The following TRAF3IP1 variants were observed in gnomAD, a reference collection of about 807,000 sequenced individuals.
The protein encoded by TRAF3IP1 is TRAF3-interacting protein 1.
TRAF3IP1 carries 53 observed loss-of-function variants against 89.9 expected under a neutral mutation model. That is an observed-to-expected ratio of 0.59 (90% CI 0.47 to 0.74). TRAF3IP1 has a LOEUF of 0.74. TRAF3IP1 is among the 30% of genes least tolerant of loss of function. The pLI, the probability that TRAF3IP1 is intolerant of heterozygous loss-of-function variation, is 0.00. For synonymous variants in TRAF3IP1, 311 were observed against 322.1 expected, an observed-to-expected ratio of 0.97 and a Z score of 0.37; for missense variants, 806 against 866.1, an observed-to-expected ratio of 0.93 and a Z score of 0.87.
intron 14 of TRAF3IP1, among the ~76,000 whole-genome samples, chr2:238,353,452 C>T (rs1385236152): frequency 6.6e-6 from 1 of 152,324 alleles, no homozygotes; most frequent in East Asian, 1.9e-4. Context: ...TGGAAACTCA[C>T]TGGCAACTGT....
intron 8 of TRAF3IP1, 123 bp from the exon 9 acceptor site, chr2:238,344,374 C>G (rs1240434878): frequency 1.3e-6 from 1 of 758,198 alleles, no homozygotes; most frequent in Non-Finnish European, 2.2e-6. Context: ...AGTCCTTTGT[C>G]AGTCCTAACT....
intron 7 of TRAF3IP1, among the ~76,000 whole-genome samples, chr2:238,337,318 A>G (rs1196619396): frequency 6.6e-6 from 1 of 152,122 alleles, no homozygotes; most frequent in East Asian, 1.9e-4. Context: ...GACTTGGGTG[A>G]AGGAGGACAT....
chr2:238,383,075 G>A (rs1342153196), intron 15 of TRAF3IP1, among the ~76,000 whole-genome samples: 3 of 152,038 alleles, frequency 2.0e-5, no homozygotes, highest in African/African-American at 7.2e-5. Context: ...GCCTTCCCTT[G>A]GCTTCCGGAA....
At chr2:238,395,517 C>A (rs1701171296) in intron 15 of TRAF3IP1, among the ~76,000 whole-genome samples, 1 of 152,056 alleles carries the variant, frequency 6.6e-6, no homozygotes, top group African/African-American at 2.4e-5. Flanking sequence ...GCAACAAAAG[C>A]CAAAATTGAC....
chr2:238,378,498 A>G (rs1348150775), intron 15 of TRAF3IP1, among the ~76,000 whole-genome samples: 3 of 152,210 alleles, frequency 2.0e-5, no homozygotes, highest in Non-Finnish European at 4.4e-5. Flanking sequence ...CACACCTCAA[A>G]TAACCTTTGC....
rs1701426793 is a variant in TRAF3IP1, at chr2:238,400,762, A to G, written c.*1843A>G. The G allele has an allele frequency of 6.6e-6, 1 of 152,246 alleles. No individual in the cohort carries two copies. Among genetic ancestry groups the G allele is most frequent in the Non-Finnish European group, 1.5e-5 (1 of 68,046 alleles). 9.4% of individuals were successfully genotyped at this position (152,246 alleles called of 1,614,324 possible). A position where few individuals can be genotyped will look rare whatever the true frequency, so the allele number is the denominator to read the frequency against. ...CTTTTATGAATTTGTATATGTGAAT[A>G]GAGTTTGGGGGTTGCCAAAAATTGC... On this transcript the variant is annotated 3_prime_UTR_variant, in exon 17 of 17. Transcript: ENST00000373327.
At chr2:238,336,978 G>A (rs1022697578) in intron 7 of TRAF3IP1, among the ~76,000 whole-genome samples, 3 of 151,990 alleles carry the variant, frequency 2.0e-5, no homozygotes, top group African/African-American at 7.3e-5. Context: ...GTTGGCATAG[G>A]TGTGGCCCTG....
intron 15 of TRAF3IP1, among the ~76,000 whole-genome samples, chr2:238,375,162 C>T (rs941210874): frequency 1.3e-5 from 2 of 152,012 alleles, no homozygotes; most frequent in African/African-American, 4.8e-5. Context: ...TATTTCTTGC[C>T]TCCTTCTAGC....
chr2:238,343,925 C>G (rs565394016), intron 8 of TRAF3IP1, among the ~76,000 whole-genome samples: 1 of 150,834 alleles, frequency 6.6e-6, no homozygotes, highest in Admixed American at 6.6e-5. Flanking sequence ...TCCCAAAATG[C>G]GGGGATTATA....
rs562834802 is a variant in TRAF3IP1, at chr2:238,353,650, G to A, written c.1612+441G>A. Among the ~76,000 whole-genome samples the A allele has an allele frequency of 2.0e-5, 3 of 152,280 alleles. No individual in the cohort carries two copies. The South Asian group carries it at 6.2e-4, about 32-fold the overall frequency. On this transcript the variant is annotated intron_variant, in intron 14 of 16. Transcript: ENST00000373327. ...AACACAGTTTCTGCAGAAGAGGCAG[G>A]CTGAGTACTTTCCTTTATAGATCTG... is the stretch of plus-strand genomic sequence containing the variant.
rs1056630879 is a variant in TRAF3IP1 at position 238,379,619 on chromosome 2, C to T, written c.1690-17840C>T. ...GTTTTCTGCCGAGGACCTCTGACCTCATGGCCACTTCCTGCTGCAGGTTTA... is the reference window on the plus strand; with the variant it reads ...GTTTTCTGCCGAGGACCTCTGACCTTATGGCCACTTCCTGCTGCAGGTTTA... On this transcript the variant is annotated intron_variant, in intron 15 of 16. Coordinates refer to ENST00000373327, the MANE Select transcript of TRAF3IP1 (RefSeq NM_015650.4). This position sits in a 1 kb window ranked among gnomAD's most constrained non-coding sequence, Gnocchi z 4.0. 1.3e-5 allele frequency among the ~76,000 whole-genome samples: 2 copies of T among 152,210 alleles called. No individual in the cohort carries two copies. The highest frequency in any genetic ancestry group is 2.4e-5 in the African/African-American group (1 of 41,458).
chr2:238,332,890 A>AC lies in TRAF3IP1; in HGVS notation c.983dup (p.Glu329ArgfsTer3), dbSNP rs760358512. 13 of 1,609,928 alleles carry AC rather than the reference A, an allele frequency of 8.1e-6. No homozygotes were observed. Among genetic ancestry groups the AC allele is most frequent in the Non-Finnish European group, 1.1e-5 (13 of 1,176,492 alleles). ...AACTTTTAAAGACTCCAAGGCTGAA[A>AC]CAGAGGTAAACTTTAAAAAATAACT... On this transcript the variant is annotated frameshift_variant, in exon 6 of 17. Coordinates refer to ENST00000373327, the MANE Select transcript of TRAF3IP1 (RefSeq NM_015650.4). LOFTEE classifies it high-confidence loss of function.
intron 15 of TRAF3IP1, among the ~76,000 whole-genome samples, chr2:238,364,872 A>G (rs1699811139): frequency 6.6e-6 from 1 of 152,196 alleles, no homozygotes; most frequent in Admixed American, 6.5e-5. Flanking sequence ...GCATGTATTG[A>G]ATTTGACCTG....
At chr2:238,335,484 A>G (rs1698340783) in intron 7 of TRAF3IP1, among the ~76,000 whole-genome samples, 1 of 151,864 alleles carries the variant, frequency 6.6e-6, no homozygotes, top group African/African-American at 2.4e-5. Flanking sequence ...TTAGTTTTCT[A>G]TCATTGTTCT....
In TRAF3IP1 at chr2:238,325,332, G is replaced by T. The variant is rs1258055338; in HGVS notation, c.150G>T (p.Lys50Asn). 3.7e-6 allele frequency: 6 copies of T among 1,614,026 alleles called. No individual in the cohort carries two copies. In the African/African-American group the frequency reaches 5.3e-5, roughly 14 times the overall value. ...TEVIRMTGFMKGLYTDAEMKS... is the reference protein window; with the variant it reads ...TEVIRMTGFMNGLYTDAEMKS... ...TGATTAGAATGACTGGTTTCATGAA[G>T]GGCCTCTACACAGACGCCGAGATGA... The change falls in exon 2 of 17, where the codon AAG (lysine) becomes AAT (asparagine). Residue 50 changes from lysine (K) to asparagine (N), a missense_variant. Transcript: ENST00000373327.
intron 15 of TRAF3IP1, among the ~76,000 whole-genome samples, chr2:238,376,690 T>C (rs767622805): frequency 2.3e-4 from 35 of 152,242 alleles, no homozygotes; most frequent in Non-Finnish European, 4.1e-4. Flanking sequence ...ATTTATAGTT[T>C]ATCTGCTATT....
intron 3 of TRAF3IP1, among the ~76,000 whole-genome samples, chr2:238,327,848 T>G (rs914843221): frequency 6.6e-6 from 1 of 152,208 alleles, no homozygotes; most frequent in Non-Finnish European, 1.5e-5. Context: ...TTTGTCATTT[T>G]TTTGACTGGC....
chr2:238,385,262 C>T (rs977004380), intron 15 of TRAF3IP1, among the ~76,000 whole-genome samples: 7 of 152,220 alleles, frequency 4.6e-5, no homozygotes, highest in East Asian at 3.9e-4. Flanking sequence ...GTGATCCGCC[C>T]GCCTCGGCCT....
chr2:238,325,897 G>T lies in TRAF3IP1; in HGVS notation c.281G>T (p.Arg94Leu). ...SGEPLLAKPARIVAGHEPERT... is the reference protein window; with the variant it reads ...SGEPLLAKPALIVAGHEPERT... The stretch of plus-strand genomic sequence containing the variant: ...GAGCCACTGTTGGCCAAACCAGCCC[G>T]AATCGTGGCGGGGCATGAGCCTGAA... Residue 94 changes from arginine (R) to leucine (L), a missense_variant, in exon 3 of 17, where the codon CGA becomes CTA. Coordinates refer to ENST00000373327, the MANE Select transcript of TRAF3IP1 (RefSeq NM_015650.4). 6.2e-7 allele frequency: 1 copy of T among 1,614,210 alleles called. No homozygotes were observed. The highest frequency in any genetic ancestry group is 8.5e-7 in the Non-Finnish European group (1 of 1,180,028).
Sources: gnomAD v4.1 joint callset for allele counts (sites outside exome capture counted in the v4.1 genomes callset) on GRCh38, gnomAD v4.1.1 for gene constraint, Gnocchi (gnomAD v3.1) non-coding constraint, MANE v1.5 for transcripts, NCBI Gene and HGNC (gene_info 2026-07-23, HGNC 2026-07-21) for gene names.